Variants in FGD4 observed in about 807,000 individuals in gnomAD.
FGD4 encodes FYVE, RhoGEF and PH domain-containing protein 4.
Under a neutral mutation model 102.0 loss-of-function variants are expected in FGD4, and 42 were observed. The ratio of observed to expected loss-of-function variants is 0.41; its 90% CI spans 0.32 to 0.53. The LOEUF (loss-of-function observed/expected upper bound fraction) is 0.53, where lower values mean the gene tolerates loss of function less well. FGD4 is among the 20% of genes least tolerant of loss of function. FGD4 has a pLI of 0.21. For missense variants in FGD4, 902 were observed against 1,078.2 expected, an observed-to-expected ratio of 0.84 and a Z score of 2.29; for synonymous variants, 380 against 375.7, an observed-to-expected ratio of 1.01 and a Z score of -0.13.
intron 1 of FGD4, among the ~76,000 whole-genome samples, chr12:32,549,968 G>A (rs1486896720): frequency 1.3e-5 from 2 of 152,086 alleles, no homozygotes; most frequent in Non-Finnish European, 2.9e-5. Context: ...CCTCGGCACG[G>A]CCTTACTTCT....
In FGD4 at chr12:32,399,875, C is replaced by G; in HGVS notation, c.82C>G (p.Pro28Ala). Residue 28 changes from proline to alanine, a missense_variant, in exon 1 of 17, where the codon CCC (proline) becomes GCC (alanine). This residue lies in a region of FGD4 where 443 missense variants were observed against 459.2 expected (regional missense o/e 0.96). Coordinates refer to ENST00000534526, the MANE Select transcript of FGD4 (RefSeq NM_001370298.3). ...CCCCTCCTACCTGCCGCCCGGGGTG[C>G]CCCGGCCCTGGAGCAGGCCCGCGTC... ...SNPSYLPPGV[P>A]RPWSRPASHL... 6.5e-7 allele frequency: 1 copy of G among 1,531,194 alleles called. No homozygotes were observed. The highest frequency in any genetic ancestry group is 8.7e-7 in the Non-Finnish European group (1 of 1,145,160). The allele number at this position is 1,531,194 out of a possible 1,614,324, so 94.9% of individuals were successfully genotyped here.
intron 10 of FGD4, among the ~76,000 whole-genome samples, 180 bp downstream of exon 10, chr12:32,611,463 G>T (rs1051207115): frequency 6.6e-6 from 1 of 152,122 alleles, no homozygotes; most frequent in Non-Finnish European, 1.5e-5. Flanking sequence ...GGTGGCGGGT[G>T]CCTGTAATCC....
At position 32,640,815 on chromosome 12, in the gene FGD4, C is replaced by T; in HGVS notation, c.*282C>T. 1 of 595,092 alleles carries T rather than the reference C, an allele frequency of 1.7e-6. No homozygotes were observed. Among genetic ancestry groups the T allele is most frequent in the East Asian group, 2.8e-5 (1 of 35,912 alleles). 36.9% of individuals were successfully genotyped at this position (595,092 alleles called of 1,614,324 possible). On this transcript the variant is annotated 3_prime_UTR_variant, in exon 17 of 17. Coordinates refer to ENST00000534526, the MANE Select transcript of FGD4 (RefSeq NM_001370298.3). Reference sequence around the variant, plus strand: ...TGAAGAAATGGTGTATCAATTGATTCTGTCACCGTCAGGTTAGAATGAGCA... The same window carrying T: ...TGAAGAAATGGTGTATCAATTGATTTTGTCACCGTCAGGTTAGAATGAGCA...
At chr12:32,611,084 AG>A in intron 9 of FGD4, 52 bp from the exon 10 acceptor site, 1 of 1,606,390 alleles carries the variant, frequency 6.2e-7, no homozygotes. Context: ...GTATTATTAA[AG>A]CTACTAGGTT....
intron 1 of FGD4, among the ~76,000 whole-genome samples, chr12:32,430,007 A>G (rs752910222): frequency 2.0e-5 from 3 of 152,124 alleles, no homozygotes; most frequent in Non-Finnish European, 2.9e-5. Context: ...AAACAGAAAC[A>G]TTATTAGAAA....
At chr12:32,498,784 G>A (rs1937981686) in intron 1 of FGD4, among the ~76,000 whole-genome samples, 1 of 152,116 alleles carries the variant, frequency 6.6e-6, no homozygotes, top group African/African-American at 2.4e-5. Flanking sequence ...TGTATTTTTA[G>A]TAGAGACAGG....
intron 1 of FGD4, among the ~76,000 whole-genome samples, chr12:32,485,679 C>T (rs947455967): frequency 2.0e-5 from 3 of 151,950 alleles, no homozygotes; most frequent in Non-Finnish European, 4.4e-5. Context: ...TTCTTGACCT[C>T]GTGACCCACC....
intron 1 of FGD4, among the ~76,000 whole-genome samples, chr12:32,467,737 C>T (rs964943302): frequency 6.6e-6 from 1 of 152,040 alleles, no homozygotes; most frequent in Admixed American, 6.5e-5. Context: ...AACTTTTGGC[C>T]GGGCTTGGTG....
Position 32,641,686 on chromosome 12 carries a change from G to A in FGD4, c.*1153G>A, listed in dbSNP as rs1951162491. ...ATCGTAATGTTTTTCTTTTCCGTAAGATAATCGAGCATGGTTAAATAAGGT... is the reference window on the plus strand; with the variant it reads ...ATCGTAATGTTTTTCTTTTCCGTAAAATAATCGAGCATGGTTAAATAAGGT... On this transcript the variant is annotated 3_prime_UTR_variant, in exon 17 of 17. Coordinates refer to ENST00000534526, the MANE Select transcript of FGD4 (RefSeq NM_001370298.3). 6.6e-6 allele frequency: 1 copy of A among 152,132 alleles called. No individual in the cohort carries two copies. The highest frequency in any genetic ancestry group is 1.5e-5 in the Non-Finnish European group (1 of 68,008). The allele number at this position is 152,132 out of a possible 1,614,324, so 9.4% of individuals were successfully genotyped here. A position where few individuals can be genotyped will look rare whatever the true frequency, so the allele number is the denominator to read the frequency against.
chr12:32,422,755 A>G (rs530571295), intron 1 of FGD4, among the ~76,000 whole-genome samples: 76 of 152,326 alleles, frequency 5.0e-4, no homozygotes, highest in Middle Eastern at 6.8e-3. Context: ...AAAACATAGT[A>G]TATATGAATA....
intron 13 of FGD4, among the ~76,000 whole-genome samples, chr12:32,625,269 C>A (rs368273156): frequency 8.3e-6 from 1 of 119,910 alleles, no homozygotes. Flanking sequence ...TTTTCTTATT[C>A]TTTTTTTTTT....
intron 1 of FGD4, among the ~76,000 whole-genome samples, chr12:32,552,524 C>T (rs898068516): frequency 6.7e-6 from 1 of 148,952 alleles, no homozygotes; most frequent in Non-Finnish European, 1.5e-5. Context: ...TCAGGTGATC[C>T]GCCTGCCTTG....
intron 13 of FGD4, 75 bp from the exon 14 acceptor site, chr12:32,625,579 G>A: frequency 6.5e-7 from 1 of 1,529,098 alleles, no homozygotes. Flanking sequence ...TGTAGTTAAA[G>A]TTCTTTCAAA....
chr12:32,461,010 A>T (rs924229945), intron 1 of FGD4, among the ~76,000 whole-genome samples: 1 of 152,192 alleles, frequency 6.6e-6, no homozygotes, highest in East Asian at 1.9e-4. Flanking sequence ...TACTAGTTGA[A>T]TTTTTTATAA....
rs759982135 is a variant in FGD4, at chr12:32,640,437, C to T, written c.2616C>T (p.Ile872=). The stretch of plus-strand genomic sequence containing the variant: ...TGAAGCAGAAGTGGCTGAAAGTCAT[C>T]CTTTTAGCTGTCACAGGTGAGACAC... ...EELKQKWLKV[I]LLAVTGETPG... The change falls in exon 17 of 17, where the codon ATC becomes ATT. Residue 872 remains isoleucine, a synonymous_variant. Coordinates refer to ENST00000534526, the MANE Select transcript of FGD4 (RefSeq NM_001370298.3). 22 of 1,613,998 alleles carry T rather than the reference C, an allele frequency of 1.4e-5. No homozygotes were observed. Among genetic ancestry groups the T allele is most frequent in the Admixed American group, 1.7e-5 (1 of 59,986 alleles).
chr12:32,483,098 T>C (rs1943807510), intron 1 of FGD4, among the ~76,000 whole-genome samples: 2 of 152,174 alleles, frequency 1.3e-5, no homozygotes, highest in Non-Finnish European at 2.9e-5. Flanking sequence ...TTATGAAGCT[T>C]TATTTTTAGC....
chr12:32,584,146 GC>G (rs1946822510), intron 4 of FGD4, among the ~76,000 whole-genome samples: 1 of 152,156 alleles, frequency 6.6e-6, no homozygotes, highest in African/African-American at 2.4e-5. Flanking sequence ...TCCTGAATGG[GC>G]CTTTACACAG....
intron 2 of FGD4, among the ~76,000 whole-genome samples, chr12:32,575,686 C>T (rs1196579374): frequency 6.6e-6 from 1 of 152,134 alleles, no homozygotes; most frequent in Non-Finnish European, 1.5e-5. Context: ...TAGTACCTAC[C>T]TGAGAGAACT....
At chr12:32,537,855 C>A (rs1049219270) in intron 1 of FGD4, among the ~76,000 whole-genome samples, 27 of 152,222 alleles carry the variant, frequency 1.8e-4, no homozygotes, top group African/African-American at 6.3e-4. Flanking sequence ...CACGCCTGTT[C>A]CTTCACCCAG....
Sources: gnomAD v4.1 joint callset for allele counts (sites outside exome capture counted in the v4.1 genomes callset) on GRCh38, gnomAD v4.1.1 for gene constraint, gnomAD v4.1.1 regional missense constraint, MANE v1.5 for transcripts, NCBI Gene and HGNC (gene_info 2026-07-23, HGNC 2026-07-21) for gene names.